The following OTUD7A variants were observed in gnomAD, a reference collection of about 807,000 sequenced individuals.
OTUD7A encodes OTU domain-containing protein 7A.
Under a neutral mutation model 65.7 loss-of-function variants are expected in OTUD7A, and 12 were observed. The observed-to-expected ratio is 0.18, with a 90% CI of 0.12 to 0.30. The LOEUF is 0.30. OTUD7A is among the 10% of genes least tolerant of loss of function. The pLI, the probability that OTUD7A is intolerant of heterozygous loss-of-function variation, is 1.00. For missense variants in OTUD7A, 1,148 were observed against 1,304.8 expected (o/e 0.88, Z 1.85); for synonymous variants, 641 against 586.3 (o/e 1.09, Z -1.35).
chr15:31,582,088 CAT>C (rs1169923955), intron 3 of OTUD7A, among the ~76,000 whole-genome samples: 2 of 152,204 alleles, frequency 1.3e-5, no homozygotes, highest in African/African-American at 4.8e-5. Flanking sequence ...TGCCCTAAAT[CAT>C]CTCTCTCAAG....
chr15:31,780,129 C>A (rs371588177), intron 1 of OTUD7A, among the ~76,000 whole-genome samples: 1 of 152,302 alleles, frequency 6.6e-6, no homozygotes. Context: ...ATGACTCTTT[C>A]TGTAGTATCT....
chr15:31,564,027 G>A (rs983753835), intron 4 of OTUD7A, among the ~76,000 whole-genome samples: 5 of 151,996 alleles, frequency 3.3e-5, no homozygotes, highest in African/African-American at 1.2e-4. Context: ...AATGAGCCTA[G>A]TAAATACATG....
At chr15:31,709,797 T>C (rs1893393930) in intron 1 of OTUD7A, among the ~76,000 whole-genome samples, 1 of 152,142 alleles carries the variant, frequency 6.6e-6, no homozygotes, top group South Asian at 2.1e-4. Context: ...TATGTGTGTA[T>C]ATGCAAATAT....
chr15:31,830,814 C>T (rs890693016), intron 1 of OTUD7A, among the ~76,000 whole-genome samples: 1 of 152,214 alleles, frequency 6.6e-6, no homozygotes, highest in African/African-American at 2.4e-5. Flanking sequence ...TCAGTGACAT[C>T]GTTGCCATGT....
chr15:31,809,370 G>A (rs755370869), intron 1 of OTUD7A, among the ~76,000 whole-genome samples: 4 of 152,186 alleles, frequency 2.6e-5, no homozygotes, highest in Admixed American at 2.0e-4. Context: ...TGGCTTGAGC[G>A]GTAGTGGTGG....
At chr15:31,848,402 T>C (rs1897337354) in intron 1 of OTUD7A, among the ~76,000 whole-genome samples, 1 of 152,150 alleles carries the variant, frequency 6.6e-6, no homozygotes, top group Non-Finnish European at 1.5e-5. Context: ...CTTTAAGTAA[T>C]GGTTCCCCAG....
intron 1 of OTUD7A, among the ~76,000 whole-genome samples, chr15:31,678,635 G>A (rs1452793870): frequency 1.3e-5 from 2 of 152,230 alleles, no homozygotes; most frequent in Admixed American, 6.5e-5. Flanking sequence ...TTCATGTGGT[G>A]GTTGGCCTGC....
At chr15:31,733,239 G>A (rs1894096215) in intron 1 of OTUD7A, among the ~76,000 whole-genome samples, 1 of 152,130 alleles carries the variant, frequency 6.6e-6, no homozygotes, top group Non-Finnish European at 1.5e-5. Context: ...CCAGCTCAGA[G>A]CAAATCTAAC....
chr15:31,639,547 G>A (rs1186926546), intron 3 of OTUD7A, among the ~76,000 whole-genome samples: 1 of 150,360 alleles, frequency 6.7e-6, no homozygotes, highest in Non-Finnish European at 1.5e-5. Context: ...AAATTTGCTG[G>A]ATTGTACACT....
At chr15:31,778,654 A>G (rs1173704451) in intron 1 of OTUD7A, among the ~76,000 whole-genome samples, 9 of 152,236 alleles carry the variant, frequency 5.9e-5, no homozygotes, top group Admixed American at 4.6e-4. Context: ...GCCTGGGCAG[A>G]AAAGCCTCTC....
chr15:31,575,081 CA>C (rs1238703107), intron 3 of OTUD7A, among the ~76,000 whole-genome samples: 2 of 152,114 alleles, frequency 1.3e-5, no homozygotes, highest in Non-Finnish European at 2.9e-5. Context: ...TGATTAAACT[CA>C]GGGGGGAAAA....
At chr15:31,714,821 C>T (rs1388781356) in intron 1 of OTUD7A, among the ~76,000 whole-genome samples, 1 of 152,170 alleles carries the variant, frequency 6.6e-6, no homozygotes, top group Non-Finnish European at 1.5e-5. Flanking sequence ...TTCTTCTCAA[C>T]ACAGCCACAA....
At chr15:31,840,404 C>T (rs1031856714) in intron 1 of OTUD7A, among the ~76,000 whole-genome samples, 3 of 152,028 alleles carry the variant, frequency 2.0e-5, no homozygotes, top group East Asian at 1.9e-4. Context: ...CACCACTGCA[C>T]TCCAGCCTGG....
At chr15:31,772,343 C>T (rs1895263086) in intron 1 of OTUD7A, among the ~76,000 whole-genome samples, 1 of 151,954 alleles carries the variant, frequency 6.6e-6, no homozygotes, top group African/African-American at 2.4e-5. Flanking sequence ...TGCAGGAGGG[C>T]AATGCTATGC....
intron 8 of OTUD7A, among the ~76,000 whole-genome samples, chr15:31,513,355 A>G (rs2041788915): frequency 6.6e-6 from 1 of 152,202 alleles, no homozygotes; most frequent in African/African-American, 2.4e-5. Context: ...CCTCCTACAC[A>G]ACCACCACAC....
chr15:31,666,351 T>C (rs1165410436), intron 1 of OTUD7A, among the ~76,000 whole-genome samples: 2 of 152,138 alleles, frequency 1.3e-5, no homozygotes, highest in Non-Finnish European at 2.9e-5. Flanking sequence ...GCTAGGAGGA[T>C]TGTATTTTTC....
chr15:31,792,650 T>A (rs1318857064), intron 1 of OTUD7A, among the ~76,000 whole-genome samples: 1 of 152,194 alleles, frequency 6.6e-6, no homozygotes, highest in African/African-American at 2.4e-5. Flanking sequence ...TCTCTCTCTC[T>A]CACAGCAGAC....
intron 1 of OTUD7A, among the ~76,000 whole-genome samples, chr15:31,784,054 T>C (rs1436025825): frequency 1.3e-5 from 2 of 152,206 alleles, no homozygotes; most frequent in Non-Finnish European, 2.9e-5. Context: ...GTGACAATGC[T>C]TAGAAGAGCC....
chr15:31,732,133 C>T (rs1007974897), intron 1 of OTUD7A, among the ~76,000 whole-genome samples: 1 of 152,176 alleles, frequency 6.6e-6, no homozygotes, highest in African/African-American at 2.4e-5. Flanking sequence ...CTCAGTCTCT[C>T]CTACACTTCA....
Sources: gnomAD v4.1 joint callset for allele counts (sites outside exome capture counted in the v4.1 genomes callset) on GRCh38, gnomAD v4.1.1 for gene constraint, MANE v1.5 for transcripts, NCBI Gene and HGNC (gene_info 2026-07-23, HGNC 2026-07-21) for gene names.